The following CEP70 variants were observed in gnomAD, a reference collection of about 807,000 sequenced individuals.
The protein encoded by CEP70 is centrosomal protein 70, also known as centrosomal protein of 70 kDa.
CEP70 carries 70 observed loss-of-function variants against 90.9 expected under a neutral mutation model. The observed-to-expected ratio is 0.77, with a 90% CI of 0.64 to 0.94. The LOEUF is 0.94. CEP70 is among the 40% of genes least tolerant of loss of function. The probability of loss-of-function intolerance (pLI) is 0.00; values close to 1 mark genes in which losing one functional copy is unlikely to be tolerated. For missense variants in CEP70, 648 were observed against 669.0 expected, an observed-to-expected ratio of 0.97 and a Z score of 0.35; for synonymous variants, 220 against 228.3, an observed-to-expected ratio of 0.96 and a Z score of 0.33.
intron 11 of CEP70, among the ~76,000 whole-genome samples, chr3:138,511,041 G>GTTT (rs66468433): frequency 6.6e-6 from 1 of 151,442 alleles, no homozygotes; most frequent in African/African-American, 2.4e-5. Context: ...TGTTGTTGTT[G>GTTT]TTTTTATTTT....
intron 10 of CEP70, among the ~76,000 whole-genome samples, chr3:138,525,857 G>C (rs1368976938): frequency 3.3e-5 from 5 of 151,952 alleles, no homozygotes; most frequent in Admixed American, 3.3e-4. Context: ...AACAAATCCT[G>C]GTGTATCCAC....
intron 11 of CEP70, among the ~76,000 whole-genome samples, chr3:138,519,886 G>T (rs1261722040): frequency 2.0e-5 from 3 of 152,114 alleles, no homozygotes; most frequent in Non-Finnish European, 4.4e-5. Context: ...ACACAGACTG[G>T]CAAATTGGAT....
At chr3:138,503,455 C>T (rs75403164) in intron 13 of CEP70, among the ~76,000 whole-genome samples, 2,243 of 152,154 alleles carry the variant, frequency 0.015, 38 homozygotes, top group African/African-American at 0.05. Context: ...CAAATTTAAC[C>T]TGAGGGAAAA....
chr3:138,552,188 G>A (rs920650623), intron 6 of CEP70, among the ~76,000 whole-genome samples: 9 of 152,050 alleles, frequency 5.9e-5, no homozygotes, highest in African/African-American at 2.2e-4. Flanking sequence ...ACTACTACTA[G>A]ACCTAAGTAA....
At chr3:138,536,746 TA>T (rs1409884326) in intron 7 of CEP70, among the ~76,000 whole-genome samples, 148 of 145,922 alleles carry the variant, frequency 1.0e-3, no homozygotes, top group East Asian at 1.2e-3. Flanking sequence ...TCAGCTAGGT[TA>T]AAAAAAAAAA....
rs755021386 is a variant in CEP70 at position 138,590,304 on chromosome 3, AGTT to A, written c.-6+1547_-6+1549del. ...AAAGGAGTTACAGTTGTGATAGAGAAGTTGTTAAGTAAAAGCTCTGTAATCTCA... is the reference window on the plus strand; with the variant it reads ...AAAGGAGTTACAGTTGTGATAGAGAAGTTAAGTAAAAGCTCTGTAATCTCA... On this transcript the variant is annotated intron_variant, in intron 2 of 17. Coordinates refer to ENST00000264982, the MANE Select transcript of CEP70 (RefSeq NM_024491.4). Among the ~76,000 whole-genome samples the A allele has an allele frequency of 3.3e-5, 5 of 152,228 alleles. No individual in the cohort carries two copies. In the East Asian group the frequency reaches 5.8e-4, roughly 18 times the overall value.
intron 6 of CEP70, among the ~76,000 whole-genome samples, chr3:138,553,963 G>A (rs1378067156): frequency 6.6e-6 from 1 of 152,130 alleles, no homozygotes; most frequent in Non-Finnish European, 1.5e-5. Context: ...TTGGGAGGCT[G>A]AGGTGGGTGG....
Position 138,525,380 on chromosome 3 carries a change from G to T in CEP70, c.944+110C>A, listed in dbSNP as rs185267787. 9 of 315,420 alleles carry T rather than the reference G, an allele frequency of 2.9e-5. No homozygotes were observed. The Admixed American group carries it at 4.5e-4, about 16-fold the overall frequency. 19.5% of individuals were successfully genotyped at this position (315,420 alleles called of 1,614,324 possible). A position where few individuals can be genotyped will look rare whatever the true frequency, so the allele number is the denominator to read the frequency against. ...GTATACATATGTAACTAACCTGCAC[G>T]TTGTGCAGATGTACCCTTAAAGTAT... On this transcript the variant is annotated intron_variant, in intron 11 of 17. Coordinates refer to ENST00000264982, the MANE Select transcript of CEP70 (RefSeq NM_024491.4).
intron 1 of CEP70, chr3:138,593,063 C>G (rs1158360350): frequency 6.6e-6 from 1 of 152,136 alleles, no homozygotes; most frequent in African/African-American, 2.4e-5. Context: ...GGGGCAGAAC[C>G]TTGCTTTGAA....
intron 6 of CEP70, among the ~76,000 whole-genome samples, chr3:138,550,141 C>T (rs145921104): frequency 7.6e-4 from 115 of 152,212 alleles, no homozygotes; most frequent in African/African-American, 2.7e-3. Context: ...TCTGATATGA[C>T]AAAACAAGGC....
chr3:138,507,532 A>G (rs1388200076), intron 12 of CEP70, among the ~76,000 whole-genome samples: 1 of 152,220 alleles, frequency 6.6e-6, no homozygotes, highest in Non-Finnish European at 1.5e-5. Flanking sequence ...AAATTAAAAT[A>G]TGGAAATAGT....
In CEP70 at chr3:138,574,431, C is replaced by T. The variant is rs144407592; in HGVS notation, c.-5-1499G>A. Among the ~76,000 whole-genome samples the T allele has an allele frequency of 7.2e-3, 1,099 of 152,296 alleles. 14 individuals carry two copies. The highest frequency in any genetic ancestry group is 0.025 in the African/African-American group (1,020 of 41,562). On this transcript the variant is annotated intron_variant, in intron 2 of 17. Transcript: ENST00000264982. ...CTGAGGCTTGAGTAGGTAAACAAAG[C>T]GGCAGGAAAGCTTGAACTGGGTAGA... is the stretch of plus-strand genomic sequence containing the variant.
chr3:138,500,818 GC>G lies in CEP70; in HGVS notation c.1284del (p.Lys428AsnfsTer16). 1 of 1,604,534 alleles carries G rather than the reference GC, an allele frequency of 6.2e-7. No individual in the cohort carries two copies. The highest frequency in any genetic ancestry group is 8.5e-7 in the Non-Finnish European group (1 of 1,173,874). ...AELVPWLNLK[K>X]QDENEGIKVE... is the part of the protein sequence containing the mutation. ...ACTTTGATACCTTCATTTTCATCCT[GC>G]TTCTTCAAATTAAGCCAAGGTACCA... On this transcript the variant is annotated frameshift_variant, in exon 14 of 18. Coordinates refer to ENST00000264982, the MANE Select transcript of CEP70 (RefSeq NM_024491.4). LOFTEE classifies it high-confidence loss of function.
At chr3:138,578,474 G>T (rs2041673775) in intron 2 of CEP70, among the ~76,000 whole-genome samples, 1 of 152,184 alleles carries the variant, frequency 6.6e-6, no homozygotes, top group Non-Finnish European at 1.5e-5. Context: ...AACAGAAGAT[G>T]CTGGAACCCT....
chr3:138,508,274 T>C (rs1371352030), intron 12 of CEP70, among the ~76,000 whole-genome samples, 165 bp downstream of exon 12: 2 of 152,302 alleles, frequency 1.3e-5, no homozygotes, highest in South Asian at 2.1e-4. Flanking sequence ...AATTCTACAA[T>C]GTTTTTAGTC....
chr3:138,528,032 G>A (rs1576661869), intron 10 of CEP70, among the ~76,000 whole-genome samples: 1 of 147,590 alleles, frequency 6.8e-6, no homozygotes. Context: ...AAAAAAGACT[G>A]AATCTATTTG....
chr3:138,499,008 T>C (rs988774710), intron 16 of CEP70, among the ~76,000 whole-genome samples: 13 of 150,214 alleles, frequency 8.7e-5, no homozygotes, highest in African/African-American at 3.2e-4. Flanking sequence ...ACTGAGCCAC[T>C]GCACTCCAGC....
At chr3:138,562,715 T>C (rs1422909920) in intron 6 of CEP70, among the ~76,000 whole-genome samples, 1 of 152,016 alleles carries the variant, frequency 6.6e-6, no homozygotes, top group Non-Finnish European at 1.5e-5. Context: ...GCACTAAACA[T>C]GGAAAGGAAC....
Position 138,500,191 on chromosome 3 carries a change from G to C in CEP70, c.1571C>G (p.Thr524Ser). The C allele has an allele frequency of 6.2e-7, 1 of 1,613,460 alleles. No homozygotes were observed. The highest frequency in any genetic ancestry group is 1.3e-5 in the African/African-American group (1 of 75,028). Residue 524 changes from threonine to serine, a missense_variant, in exon 16 of 18, where the codon ACT (threonine) becomes AGT (serine). Coordinates refer to ENST00000264982, the MANE Select transcript of CEP70 (RefSeq NM_024491.4). ...SSSSLCVLVS[T>S]VGKLCRLINE... ...AATCAGCCTACAGAGTTTTCCAACA[G>C]TGCTTACTAGCACACACAATGAGGA...
Sources: gnomAD v4.1 joint callset for allele counts (sites outside exome capture counted in the v4.1 genomes callset) on GRCh38, gnomAD v4.1.1 for gene constraint, MANE v1.5 for transcripts, NCBI Gene and HGNC (gene_info 2026-07-23, HGNC 2026-07-21) for gene names.